Variants in SULF1 observed in about 807,000 individuals in gnomAD.
SULF1 encodes extracellular sulfatase Sulf-1.
SULF1 carries 46 observed loss-of-function variants against 110.5 expected under a neutral mutation model. The observed-to-expected ratio is 0.42, with a 90% confidence interval of 0.33 to 0.53. SULF1 has a LOEUF of 0.53. Among genes scored for constraint, SULF1 ranks in the 20% least tolerant of loss-of-function variants. SULF1 has a pLI of 0.12. For synonymous variants in SULF1, 371 were observed against 387.1 expected (o/e 0.96, Z 0.49); for missense variants, 941 against 1,094.2 (o/e 0.86, Z 1.98).
At chr8:69,617,467 C>T (rs1291522848) in intron 13 of SULF1, among the ~76,000 whole-genome samples, 1 of 125,716 alleles carries the variant, frequency 8.0e-6, no homozygotes, top group African/African-American at 3.0e-5. Context: ...CAGGGTTTCA[C>T]CATGTTGCCC....
intron 22 of SULF1, among the ~76,000 whole-genome samples, chr8:69,644,455 CA>C (rs1364915858): frequency 1.3e-5 from 2 of 151,906 alleles, no homozygotes; most frequent in East Asian, 3.9e-4. Context: ...TTATAAGAAA[CA>C]AAAAGGTATT....
At chr8:69,574,966 T>C (rs1805500408) in intron 5 of SULF1, among the ~76,000 whole-genome samples, 1 of 152,208 alleles carries the variant, frequency 6.6e-6, no homozygotes, top group Non-Finnish European at 1.5e-5. Flanking sequence ...CTGGTTTGCA[T>C]TACGATTTCC....
At chr8:69,511,098 T>C (rs1811530092) in intron 3 of SULF1, among the ~76,000 whole-genome samples, 1 of 152,118 alleles carries the variant, frequency 6.6e-6, no homozygotes, top group African/African-American at 2.4e-5. Flanking sequence ...TCACACATAA[T>C]AGTAATAACA....
chr8:69,602,392 A>G (rs1426733473), intron 10 of SULF1, among the ~76,000 whole-genome samples: 1 of 152,236 alleles, frequency 6.6e-6, no homozygotes, highest in African/African-American at 2.4e-5. Flanking sequence ...TGGCCTTGTC[A>G]ATCATCTCAG....
At chr8:69,636,720 T>A (rs1715676877) in intron 19 of SULF1, among the ~76,000 whole-genome samples, 1 of 152,180 alleles carries the variant, frequency 6.6e-6, no homozygotes, top group South Asian at 2.1e-4. Flanking sequence ...GCCCAATTTG[T>A]TCAACTTTTG....
intron 3 of SULF1, among the ~76,000 whole-genome samples, chr8:69,544,503 C>T (rs1051148613): frequency 7.9e-5 from 12 of 152,020 alleles, no homozygotes; most frequent in African/African-American, 2.9e-4. Flanking sequence ...TCCTGATCTC[C>T]TGATCCTCCT....
intron 1 of SULF1, among the ~76,000 whole-genome samples, chr8:69,471,808 T>G (rs568167312): frequency 6.6e-6 from 1 of 152,310 alleles, no homozygotes; most frequent in South Asian, 2.1e-4. Context: ...TATTGTATGT[T>G]CAATAAATGG....
chr8:69,502,658 A>AT (rs536004761), intron 3 of SULF1, among the ~76,000 whole-genome samples: 22 of 122,228 alleles, frequency 1.8e-4, no homozygotes, highest in South Asian at 5.5e-4. Context: ...TATTTGCTTG[A>AT]TTTTTTTTTT....
At chr8:69,581,872 T>C (rs576749202) in intron 6 of SULF1, among the ~76,000 whole-genome samples, 12 of 152,250 alleles carry the variant, frequency 7.9e-5, no homozygotes, top group Non-Finnish European at 1.8e-4. Flanking sequence ...TGCTGCACCC[T>C]GACACCCAAG....
intron 13 of SULF1, among the ~76,000 whole-genome samples, chr8:69,615,425 T>C (rs1056574147): frequency 6.6e-6 from 1 of 152,240 alleles, no homozygotes; most frequent in Non-Finnish European, 1.5e-5. Context: ...TTAAAATTCC[T>C]AGTATGCTTG....
At chr8:69,585,357 C>A (rs907691981) in intron 6 of SULF1, among the ~76,000 whole-genome samples, 1 of 152,166 alleles carries the variant, frequency 6.6e-6, no homozygotes, top group Non-Finnish European at 1.5e-5. Flanking sequence ...CAAATAACAT[C>A]CTCTTGCTCT....
chr8:69,471,639 T>C (rs1161426688), intron 1 of SULF1, among the ~76,000 whole-genome samples: 1 of 152,200 alleles, frequency 6.6e-6, no homozygotes, highest in Non-Finnish European at 1.5e-5. Flanking sequence ...CAGACCTGTG[T>C]TCTAATCCAG....
chr8:69,570,954 A>G (rs1805187075), intron 5 of SULF1, among the ~76,000 whole-genome samples: 1 of 152,238 alleles, frequency 6.6e-6, no homozygotes, highest in South Asian at 2.1e-4. Flanking sequence ...CACACCAGCT[A>G]CACAGACATA....
chr8:69,612,904 G>C (rs1352403778), intron 13 of SULF1, among the ~76,000 whole-genome samples: 2 of 152,000 alleles, frequency 1.3e-5, no homozygotes, highest in African/African-American at 4.8e-5. Flanking sequence ...TTTGCTTTTG[G>C]GGTCTTAGTT....
intron 3 of SULF1, among the ~76,000 whole-genome samples, chr8:69,527,626 T>C (rs1812787889): frequency 6.6e-6 from 1 of 152,090 alleles, no homozygotes; most frequent in South Asian, 2.1e-4. Flanking sequence ...CTCCACAGGA[T>C]GTATTTCTGC....
intron 3 of SULF1, chr8:69,562,945 A>C (rs540653028): frequency 3.9e-5 from 6 of 152,656 alleles, no homozygotes; most frequent in African/African-American, 1.2e-4. Flanking sequence ...GCACGGAGGA[A>C]GCACCTTTTC....
intron 3 of SULF1, among the ~76,000 whole-genome samples, 165 bp downstream of exon 3, chr8:69,502,133 G>C (rs1810840580): frequency 6.6e-6 from 1 of 152,184 alleles, no homozygotes; most frequent in South Asian, 2.1e-4. Context: ...CTTGTTGACT[G>C]AGAGAGCTAA....
intron 8 of SULF1, among the ~76,000 whole-genome samples, chr8:69,594,968 C>T (rs1807193105): frequency 6.6e-6 from 1 of 152,212 alleles, no homozygotes; most frequent in Non-Finnish European, 1.5e-5. Flanking sequence ...CCTCCCAGTG[C>T]CTGGTGGACA....
intron 3 of SULF1, among the ~76,000 whole-genome samples, chr8:69,503,962 G>C (rs1024019659): frequency 6.6e-6 from 1 of 151,884 alleles, no homozygotes. Flanking sequence ...ACCACGCCTG[G>C]TTAATTTTTG....
Sources: allele counts gnomAD v4.1 joint callset (sites outside exome capture counted in the v4.1 genomes callset), GRCh38; gene constraint gnomAD v4.1.1; transcripts MANE v1.5; gene names NCBI Gene and HGNC (gene_info 2026-07-23, HGNC 2026-07-21).